Variants in CAMSAP1 observed in about 807,000 individuals in gnomAD.
CAMSAP1 encodes calmodulin-regulated spectrin-associated protein 1.
In CAMSAP1, 58 loss-of-function variants were observed where a neutral mutation model predicts 143.5. The ratio of observed to expected loss-of-function variants is 0.40; its 90% CI spans 0.33 to 0.50. The LOEUF is 0.50. Ranked by LOEUF, CAMSAP1 falls within the 20% of genes least tolerant of loss-of-function variation. The probability of loss-of-function intolerance (pLI) is 0.45; values close to 1 mark genes in which losing one functional copy is unlikely to be tolerated. For missense variants in CAMSAP1, 1,969 were observed against 2,115.7 expected (o/e 0.93, Z 1.36); for synonymous variants, 945 against 859.3 (o/e 1.10, Z -1.74).
chr9:135,830,544 T>C (rs193042753), intron 7 of CAMSAP1, among the ~76,000 whole-genome samples: 101 of 152,258 alleles, frequency 6.6e-4, no homozygotes, highest in African/African-American at 2.2e-3. Flanking sequence ...TAAAGCAATA[T>C]TGACAGATCT....
chr9:135,850,061 AC>A, intron 7 of CAMSAP1, 75 bp downstream of exon 7: 1 of 1,179,640 alleles, frequency 8.5e-7, no homozygotes, highest in South Asian at 1.5e-5. Flanking sequence ...GAAACATGGA[AC>A]CACTGGAGAG....
intron 7 of CAMSAP1, among the ~76,000 whole-genome samples, chr9:135,830,139 A>G (rs1021714359): frequency 1.3e-5 from 2 of 152,248 alleles, no homozygotes; most frequent in African/African-American, 4.8e-5. Context: ...AAATGAAGAT[A>G]GCAAGAGACA....
At chr9:135,881,889 A>G (rs1325162119) in intron 2 of CAMSAP1, 95 bp from the exon 3 acceptor site, 1 of 1,418,786 alleles carries the variant, frequency 7.0e-7, no homozygotes, top group African/African-American at 1.4e-5. Flanking sequence ...TTCTGGCCTA[A>G]TTTCTTCATC....
intron 1 of CAMSAP1, among the ~76,000 whole-genome samples, chr9:135,899,604 T>TA (rs1335943602): frequency 6.6e-6 from 1 of 152,058 alleles, no homozygotes; most frequent in Non-Finnish European, 1.5e-5. Context: ...AATCAGCCAC[T>TA]CAAAGCATTC....
chr9:135,853,849 C>G (rs1403306251), intron 5 of CAMSAP1, among the ~76,000 whole-genome samples: 3 of 152,250 alleles, frequency 2.0e-5, no homozygotes, highest in Admixed American at 6.5e-5. Flanking sequence ...GGGTCAACAG[C>G]CTATGAGGTC....
intron 1 of CAMSAP1, among the ~76,000 whole-genome samples, chr9:135,890,331 G>C (rs1047288324): frequency 6.6e-6 from 1 of 152,030 alleles, no homozygotes; most frequent in Non-Finnish European, 1.5e-5. Flanking sequence ...TCACACCTGC[G>C]GGAGGCTCTG....
chr9:135,843,873 CAAAAAA>C (rs150201026), intron 7 of CAMSAP1, among the ~76,000 whole-genome samples: 3 of 63,958 alleles, frequency 4.7e-5, no homozygotes, highest in African/African-American at 1.2e-4. Flanking sequence ...GACTCCGTCT[CAAAAAA>C]AAAAAAAAAA....
rs1346389113 is a variant in CAMSAP1 at position 135,821,064 on chromosome 9, T to C, written c.3597A>G (p.Glu1199=). 2 of 1,613,984 alleles carry C rather than the reference T, an allele frequency of 1.2e-6. No individual in the cohort carries two copies. Among genetic ancestry groups the C allele is most frequent in the East Asian group, 4.5e-5 (2 of 44,878 alleles). ...NILSEQMSLK[E]VLDASVKEVG... is the part of the protein sequence containing the mutation. ...CCTCCTTCACACTCGCATCCAGAAC[T>C]TCTTTGAGGCTCATCTGCTCCGAAA... The change falls in exon 11 of 17, where the codon GAA becomes GAG. Residue 1199 remains glutamate (E), a synonymous_variant. Transcript: ENST00000389532. The surrounding 1 kb of genome is among the most constrained non-coding windows in gnomAD (Gnocchi z 4.6).
rs867589994 is a variant in CAMSAP1 at position 135,846,857 on chromosome 9, G to A, written c.1045+3280C>T. Among the ~76,000 whole-genome samples the A allele has an allele frequency of 1.4e-4, 21 of 152,212 alleles. No homozygotes were observed. The Middle Eastern group carries it at 0.017, about 123-fold the overall frequency. On this transcript the variant is annotated intron_variant, in intron 7 of 16. Transcript: ENST00000389532. ...GATACCATCTCATGACAGTTAGAAT[G>A]GCGATCATTAAAGTCAGGCAACAAC...
At chr9:135,846,455 A>T (rs1160721197) in intron 7 of CAMSAP1, among the ~76,000 whole-genome samples, 1 of 152,204 alleles carries the variant, frequency 6.6e-6, no homozygotes, top group East Asian at 1.9e-4. Context: ...AGTACCATTC[A>T]GGACACAGGC....
intron 7 of CAMSAP1, among the ~76,000 whole-genome samples, chr9:135,847,374 A>T (rs1836593389): frequency 6.6e-6 from 1 of 152,058 alleles, no homozygotes; most frequent in Non-Finnish European, 1.5e-5. Flanking sequence ...AATAAAATAA[A>T]AAAAAGTAAA....
intron 1 of CAMSAP1, among the ~76,000 whole-genome samples, chr9:135,886,864 C>T (rs929870563): frequency 2.0e-5 from 3 of 152,178 alleles, no homozygotes; most frequent in African/African-American, 7.2e-5. Flanking sequence ...GTGCCTGATG[C>T]AGTACGACAA....
chr9:135,852,815 T>G (rs1433480988), intron 5 of CAMSAP1, among the ~76,000 whole-genome samples: 1 of 152,058 alleles, frequency 6.6e-6, no homozygotes, highest in East Asian at 1.9e-4. Flanking sequence ...AGCAACAAAA[T>G]AAATAATGAA....
intron 1 of CAMSAP1, among the ~76,000 whole-genome samples, chr9:135,895,180 A>G (rs1838405528): frequency 6.6e-6 from 1 of 152,236 alleles, no homozygotes; most frequent in Non-Finnish European, 1.5e-5. Context: ...CAGCAACAGA[A>G]AGAGAGAAAA....
Position 135,862,598 on chromosome 9 carries a change from C to T in CAMSAP1, c.677G>A (p.Arg226Gln), listed in dbSNP as rs963497129. Residue 226 changes from arginine to glutamine, a missense_variant, in exon 5 of 17, where the codon CGA becomes CAA. Arg to Gln is a conservative substitution (Grantham distance 43). This residue lies in a region of CAMSAP1 where 221 missense variants were observed against 298.2 expected (regional missense o/e 0.74). Transcript: ENST00000389532. ...ESPAHQKVRY[R>Q]REHLSARQSP... ...CTGCCTAGCAGAAAGGTGCTCTCGT[C>T]GATAGCGGACCTGTAGTTGATAAAA... The T allele has an allele frequency of 9.7e-6, 15 of 1,551,516 alleles. No homozygotes were observed. Among genetic ancestry groups the T allele is most frequent in the African/African-American group, 6.8e-5 (5 of 73,004 alleles).
intron 7 of CAMSAP1, among the ~76,000 whole-genome samples, chr9:135,831,173 A>G (rs980118219): frequency 3.3e-5 from 5 of 152,252 alleles, no homozygotes; most frequent in African/African-American, 1.2e-4. Context: ...AAAAAATAAA[A>G]AAGTAACGGC....
intron 3 of CAMSAP1, among the ~76,000 whole-genome samples, chr9:135,875,755 C>T (rs749189581): frequency 3.3e-5 from 5 of 152,114 alleles, no homozygotes; most frequent in Admixed American, 6.5e-5. Flanking sequence ...GAACCTCAAC[C>T]CTTCCCTCAT....
At chr9:135,881,488 C>T in intron 3 of CAMSAP1, 145 bp downstream of exon 3, 1 of 912,020 alleles carries the variant, frequency 1.1e-6, no homozygotes, top group Non-Finnish European at 1.7e-6. Flanking sequence ...TTAACTACAG[C>T]AGACACATTT....
rs1835034120 is a variant in CAMSAP1, at chr9:135,811,099, G to A, written c.*210C>T. The A allele has an allele frequency of 1.3e-5, 8 of 620,098 alleles. No homozygotes were observed. Among genetic ancestry groups the A allele is most frequent in the Admixed American group, 6.0e-5 (2 of 33,190 alleles). 38.4% of individuals were successfully genotyped at this position (620,098 alleles called of 1,614,324 possible). A position where few individuals can be genotyped will look rare whatever the true frequency, so the allele number is the denominator to read the frequency against. ...GCATCTACTCCCCCATCCTCACCCT[G>A]CCTGGCATCCTCTGCGTGAGATGAG... On this transcript the variant is annotated 3_prime_UTR_variant, in exon 17 of 17. Transcript: ENST00000389532. The surrounding 1 kb of genome is among the most constrained non-coding windows in gnomAD (Gnocchi z 4.9).
Sources: gnomAD v4.1 joint callset for allele counts (sites outside exome capture counted in the v4.1 genomes callset) on GRCh38, gnomAD v4.1.1 for gene constraint, gnomAD v4.1.1 regional missense constraint, Gnocchi (gnomAD v3.1) non-coding constraint, MANE v1.5 for transcripts, NCBI Gene and HGNC (gene_info 2026-07-23, HGNC 2026-07-21) for gene names.